The following SOX5 variants were observed in gnomAD, a reference collection of about 807,000 sequenced individuals.
SOX5 encodes the protein SRY-box transcription factor 5, also known as transcription factor SOX-5.
A neutral mutation model predicts 92.0 loss-of-function variants in SOX5; 9 were observed. The ratio of observed to expected loss-of-function variants is 0.10; its 90% CI spans 0.06 to 0.17. SOX5 has a LOEUF of 0.17. SOX5 is among the 10% of genes least tolerant of loss of function. The probability of loss-of-function intolerance (pLI) is 1.00; values close to 1 mark genes in which losing one functional copy is unlikely to be tolerated. For synonymous variants in SOX5, 344 were observed against 336.3 expected (o/e 1.02, Z -0.25); for missense variants, 642 against 944.5 (o/e 0.68, Z 4.20).
chr12:24,459,497 A>G (rs1264510161), intron 1 of SOX5, among the ~76,000 whole-genome samples: 1 of 152,182 alleles, frequency 6.6e-6, no homozygotes, highest in Non-Finnish European at 1.5e-5. Context: ...AAGTACGATA[A>G]TCCTAAGAAG....
chr12:23,830,640 T>A (rs550261231), intron 3 of SOX5, among the ~76,000 whole-genome samples: 1 of 152,118 alleles, frequency 6.6e-6, no homozygotes, highest in Non-Finnish European at 1.5e-5. Context: ...TCCCACCCCA[T>A]CAAATGCGAT....
At chr12:23,762,632 G>A in intron 3 of SOX5, 1 of 506,598 alleles carries the variant, frequency 2.0e-6, no homozygotes, top group Non-Finnish European at 3.5e-6. Flanking sequence ...AAAAGTCTTT[G>A]GCTGACTCAA....
At chr12:24,511,103 CAAT>C (rs1468857653) in intron 1 of SOX5, among the ~76,000 whole-genome samples, 1 of 152,120 alleles carries the variant, frequency 6.6e-6, no homozygotes, top group Non-Finnish European at 1.5e-5. Flanking sequence ...AGAAGACAAA[CAAT>C]AAATTACTAT....
chr12:24,369,512 T>C (rs1956508155), intron 1 of SOX5, among the ~76,000 whole-genome samples: 1 of 152,140 alleles, frequency 6.6e-6, no homozygotes, highest in African/African-American at 2.4e-5. Flanking sequence ...CTGTCACACA[T>C]CGATGCCTGG....
chr12:24,284,663 T>C (rs1342396038), intron 2 of SOX5, among the ~76,000 whole-genome samples: 1 of 152,150 alleles, frequency 6.6e-6, no homozygotes, highest in Non-Finnish European at 1.5e-5. Flanking sequence ...CCAGGCAGGC[T>C]CACATGGTTC....
intron 4 of SOX5, among the ~76,000 whole-genome samples, chr12:23,974,730 A>C (rs1948723319): frequency 6.6e-6 from 1 of 152,192 alleles, no homozygotes; most frequent in South Asian, 2.1e-4. Flanking sequence ...ATAATTTTTT[A>C]GTGAATGAAA....
chr12:24,072,681 T>C (rs1941956029), intron 4 of SOX5, among the ~76,000 whole-genome samples: 4 of 152,242 alleles, frequency 2.6e-5, no homozygotes, highest in South Asian at 2.1e-4. Flanking sequence ...ACTTCTCCAG[T>C]AGACATTAAT....
chr12:24,350,066 A>C (rs1308739791), intron 2 of SOX5, among the ~76,000 whole-genome samples: 1 of 152,240 alleles, frequency 6.6e-6, no homozygotes, highest in African/African-American at 2.4e-5. Context: ...ACCAATCTAA[A>C]AGATGGAACA....
At position 24,291,098 on chromosome 12, in the gene SOX5, TTTA is replaced by T. The variant is rs560648585; in HGVS notation, c.-173-13789_-173-13787del. Among the ~76,000 whole-genome samples, 600 of 152,306 alleles carry T rather than the reference TTTA, an allele frequency of 3.9e-3. 7 individuals are homozygous for T. The highest frequency in any genetic ancestry group is 0.014 in the African/African-American group (568 of 41,560). Reference sequence around the variant, plus strand: ...CTGTTTATACTGTCATTATTCTCCTTTTATTATTATTTTTAAAATATGACATGA... The same window carrying T: ...CTGTTTATACTGTCATTATTCTCCTTTTATTATTTTTAAAATATGACATGA... On this transcript the variant is annotated intron_variant, in intron 2 of 4. Transcript: ENST00000446891.
intron 1 of SOX5, among the ~76,000 whole-genome samples, chr12:24,517,880 T>C (rs907688500): frequency 1.3e-5 from 2 of 152,150 alleles, no homozygotes; most frequent in Admixed American, 1.3e-4. Context: ...TGAAACCTTC[T>C]TTATACCAAT....
chr12:24,144,712 T>G (rs979537448), intron 4 of SOX5, among the ~76,000 whole-genome samples: 1 of 151,762 alleles, frequency 6.6e-6, no homozygotes, highest in Non-Finnish European at 1.5e-5. Context: ...ACCTGCAGTC[T>G]CAGCTACTTG....
intron 1 of SOX5, among the ~76,000 whole-genome samples, chr12:24,497,376 G>A (rs1947747256): frequency 6.6e-6 from 1 of 152,172 alleles, no homozygotes; most frequent in African/African-American, 2.4e-5. Flanking sequence ...CAGGCAGAGT[G>A]TCAAAGAGGT....
chr12:23,608,136 A>AG (rs2075499597), intron 8 of SOX5, among the ~76,000 whole-genome samples: 2 of 150,288 alleles, frequency 1.3e-5, no homozygotes, highest in Non-Finnish European at 3.0e-5. Flanking sequence ...AAAAAAAAAA[A>AG]AAAAAGGCTG....
rs1057356651 is a variant in SOX5, at chr12:23,968,908, C to T, written c.-1-72884G>A. 3.5e-4 allele frequency among the ~76,000 whole-genome samples: 53 copies of T among 152,178 alleles called. 1 individual carries two copies. The highest frequency in any genetic ancestry group is 2.9e-5 in the Non-Finnish European group (2 of 68,030). ...TCCCTCTCCCACTAGGCAATTTTAT[C>T]TGTTAGTTTTGTCTATTTGCCAAGA... On this transcript the variant is annotated intron_variant, in intron 4 of 4. Coordinates refer to the SOX5 transcript ENST00000446891.
intron 4 of SOX5, among the ~76,000 whole-genome samples, chr12:23,971,107 G>GGT (rs1260967022): frequency 7.9e-6 from 1 of 126,730 alleles, no homozygotes; most frequent in East Asian, 2.4e-4. Context: ...CATCTGAGTA[G>GGT]GTGTGTCAGC....
At chr12:24,078,664 CTG>C (rs1942949599) in intron 4 of SOX5, among the ~76,000 whole-genome samples, 1 of 152,012 alleles carries the variant, frequency 6.6e-6, no homozygotes, top group African/African-American at 2.4e-5. Context: ...CTGTGATACA[CTG>C]TGACTCATGG....
At chr12:24,377,252 T>C (rs1957377229) in intron 1 of SOX5, among the ~76,000 whole-genome samples, 1 of 152,216 alleles carries the variant, frequency 6.6e-6, no homozygotes, top group Non-Finnish European at 1.5e-5. Context: ...TTTTATTATA[T>C]TCATTTTATA....
chr12:24,351,893 T>A (rs1482573943), intron 2 of SOX5, among the ~76,000 whole-genome samples: 1 of 152,260 alleles, frequency 6.6e-6, no homozygotes, highest in Non-Finnish European at 1.5e-5. Flanking sequence ...TTACCATGGT[T>A]ATTTTCAGTG....
chr12:24,406,728 C>CT (rs149155865), intron 1 of SOX5, among the ~76,000 whole-genome samples: 2,319 of 152,106 alleles, frequency 0.015, 27 homozygotes, highest in South Asian at 0.031. Context: ...GTCCAGAGGA[C>CT]TTTTTTTTAA....
Sources: allele counts gnomAD v4.1 joint callset (sites outside exome capture counted in the v4.1 genomes callset), GRCh38; gene constraint gnomAD v4.1.1; transcripts MANE v1.5; gene names NCBI Gene and HGNC (gene_info 2026-07-23, HGNC 2026-07-21).